Variants in SPTAN1 observed in about 807,000 individuals in gnomAD.
SPTAN1 encodes the protein spectrin alpha, non-erythrocytic 1.
Under a neutral mutation model 331.3 loss-of-function variants are expected in SPTAN1, and 61 were observed. The ratio of observed to expected loss-of-function variants is 0.18; its 90% CI spans 0.15 to 0.23. SPTAN1 has a LOEUF of 0.23. Ranked by LOEUF, SPTAN1 falls within the 10% of genes least tolerant of loss-of-function variation. SPTAN1 has a pLI of 1.00. For synonymous variants in SPTAN1, 1,153 were observed against 1,173.9 expected (o/e 0.98, Z 0.36); for missense variants, 2,043 against 3,147.9 (o/e 0.65, Z 8.40).
In SPTAN1 at chr9:128,583,218, G is replaced by A. The variant is rs750359826; in HGVS notation, c.1948G>A (p.Ala650Thr). 1 of 1,614,070 alleles carries A rather than the reference G, an allele frequency of 6.2e-7. No individual in the cohort carries two copies. The highest frequency in any genetic ancestry group is 1.7e-5 in the Admixed American group (1 of 60,018). The change falls in exon 15 of 57, where the codon GCA becomes ACA. Residue 650 changes from alanine to threonine, a missense_variant. Physicochemically the swap from Ala to Thr is moderately conservative, Grantham distance 58. This residue lies in a region of SPTAN1 where 1,038 missense variants were observed against 1,531.5 expected (regional missense o/e 0.68). Transcript: ENST00000372739. Reference protein sequence around the residue: ...DVNHYAKDEVAARMNEVISLW... With the variant: ...DVNHYAKDEVTARMNEVISLW... The stretch of plus-strand genomic sequence containing the variant: ...CAACCACTATGCCAAGGATGAAGTG[G>A]CAGCTCGTATGAATGAGGTGATCAG...
Position 128,618,995 on chromosome 9 carries a change from G to A in SPTAN1, c.5725G>A (p.Ala1909Thr), listed in dbSNP as rs773492406. ...CGAAGATTATGGCGACACTCTTGCC[G>A]CCATCCAGGTGAGACAGAAACCAAA... ...ASEDYGDTLA[A>T]IQGLLKKHEA... is the part of the protein sequence containing the mutation. The change falls in exon 44 of 57, where the codon GCC (alanine) becomes ACC (threonine). Residue 1909 changes from alanine to threonine, a missense_variant. This residue lies in a region of SPTAN1 where 323 missense variants were observed against 581.1 expected (regional missense o/e 0.56). Transcript: ENST00000372739. 25 of 1,613,646 alleles carry A rather than the reference G, an allele frequency of 1.5e-5. No homozygotes were observed. The South Asian group carries it at 1.6e-4, about 11-fold the overall frequency.
In SPTAN1 at chr9:128,611,569, C is replaced by T. The variant is rs1181499098; in HGVS notation, c.4774-145C>T. The T allele has an allele frequency of 2.1e-5, 19 of 897,044 alleles. No homozygotes were observed. In the East Asian group the frequency reaches 4.8e-4, roughly 23 times the overall value. The allele number at this position is 897,044 out of a possible 1,614,324, so 55.6% of individuals were successfully genotyped here. A position where few individuals can be genotyped will look rare whatever the true frequency, so the allele number is the denominator to read the frequency against. On this transcript the variant is annotated intron_variant, in intron 37 of 56. Coordinates refer to ENST00000372739, the MANE Select transcript of SPTAN1 (RefSeq NM_001130438.3). ...TGAACCCTAAAATATTTCATACAAA[C>T]TCCAATTGCCTTCTGTTAAAAACGT...
intron 9 of SPTAN1, 72 bp downstream of exon 9, chr9:128,578,317 T>C (rs1320340921): frequency 6.3e-6 from 10 of 1,589,092 alleles, no homozygotes; most frequent in Admixed American, 5.0e-5. Flanking sequence ...CAGTGTTGGG[T>C]GAGGCCTATA....
chr9:128,630,618 C>G, intron 52 of SPTAN1: 1 of 348,134 alleles, frequency 2.9e-6, no homozygotes, highest in Non-Finnish European at 4.9e-6. Flanking sequence ...CAACCTCCAC[C>G]TCCCAGGTCA....
chr9:128,598,994 T>G lies in SPTAN1; in HGVS notation c.3543+8T>G. On this transcript the variant is annotated splice_region_variant and intron_variant, in intron 26 of 56. Coordinates refer to ENST00000372739, the MANE Select transcript of SPTAN1 (RefSeq NM_001130438.3). ...TATGGCATGATGCCCAGGGTAAGTT[T>G]CGGGTGCTGTGTGTGGATCTTGAAC... 1.2e-6 allele frequency: 2 copies of G among 1,613,848 alleles called. No homozygotes were observed. Among genetic ancestry groups the G allele is most frequent in the Non-Finnish European group, 1.7e-6 (2 of 1,179,716 alleles).
At position 128,605,427 on chromosome 9, in the gene SPTAN1, G is replaced by A; in HGVS notation, c.3996G>A (p.Lys1332=). The change falls in exon 31 of 57, where the codon AAG becomes AAA. Residue 1332 remains lysine, a synonymous_variant. Transcript: ENST00000372739. Reference sequence around the variant, plus strand: ...TGGGGAAACGTGCAGATCAGCGCAAGGCAAAGTTGGGTGACTCCCACGACC... The same window carrying A: ...TGGGGAAACGTGCAGATCAGCGCAAAGCAAAGTTGGGTGACTCCCACGACC... ...SSLGKRADQR[K]AKLGDSHDLQ... is the part of the protein sequence containing the mutation. The A allele has an allele frequency of 6.2e-7, 1 of 1,614,206 alleles. No individual in the cohort carries two copies. The highest frequency in any genetic ancestry group is 8.5e-7 in the Non-Finnish European group (1 of 1,180,040).
chr9:128,623,492 G>A (rs1238996383), intron 45 of SPTAN1, among the ~76,000 whole-genome samples: 2 of 151,590 alleles, frequency 1.3e-5, no homozygotes, highest in East Asian at 3.9e-4. Flanking sequence ...GTCTTGCTGT[G>A]TTGCCCAGGC....
At chr9:128,615,459 A>G (rs563191579) in intron 40 of SPTAN1, among the ~76,000 whole-genome samples, 173 bp from the exon 41 acceptor site, 69 of 152,236 alleles carry the variant, frequency 4.5e-4, no homozygotes, top group Non-Finnish European at 6.9e-4. Flanking sequence ...AAAAATAATA[A>G]TGTCTTATAA....
rs2132578103 is a variant in SPTAN1, at chr9:128,552,741, G to A, written c.-4+45G>A. ...AGCTCCGGGAGGGAGCGGGGCCCCG[G>A]GCAGCCGACCCCCGGGTGGGAGCTG... is the stretch of plus-strand genomic sequence containing the variant. On this transcript the variant is annotated intron_variant, in intron 1 of 56. Coordinates refer to ENST00000372739, the MANE Select transcript of SPTAN1 (RefSeq NM_001130438.3). This position sits in a 1 kb window ranked among gnomAD's most constrained non-coding sequence, Gnocchi z 4.6. 1 of 151,772 alleles carries A rather than the reference G, an allele frequency of 6.6e-6. No individual in the cohort carries two copies. Among genetic ancestry groups the A allele is most frequent in the Middle Eastern group, 3.4e-3 (1 of 290 alleles). The allele number at this position is 151,772 out of a possible 1,614,324, so 9.4% of individuals were successfully genotyped here. A position where few individuals can be genotyped will look rare whatever the true frequency, so the allele number is the denominator to read the frequency against.
In SPTAN1 at chr9:128,626,880, C is replaced by A. The variant is rs116561220; in HGVS notation, c.6576+193C>A. 5,439 of 686,372 alleles carry A rather than the reference C, an allele frequency of 7.9e-3. 147 individuals are homozygous for A. Among genetic ancestry groups the A allele is most frequent in the East Asian group, 0.061 (2,193 of 36,054 alleles). The allele number at this position is 686,372 out of a possible 1,614,324, so 42.5% of individuals were successfully genotyped here. A position where few individuals can be genotyped will look rare whatever the true frequency, so the allele number is the denominator to read the frequency against. ...CCCAGGCTTCAGTGCAGTGGTGCTACCATGGCTCCCTGTAGCCTCAACCTC... is the reference window on the plus strand; with the variant it reads ...CCCAGGCTTCAGTGCAGTGGTGCTAACATGGCTCCCTGTAGCCTCAACCTC... On this transcript the variant is annotated intron_variant, in intron 49 of 56. Coordinates refer to ENST00000372739, the MANE Select transcript of SPTAN1 (RefSeq NM_001130438.3).
intron 27 of SPTAN1, among the ~76,000 whole-genome samples, chr9:128,600,390 G>A (rs1237562160): frequency 6.6e-6 from 1 of 152,178 alleles, no homozygotes; most frequent in Non-Finnish European, 1.5e-5. Context: ...TGTTGGCAGG[G>A]TCCCACCAGT....
chr9:128,604,070 C>T (rs923048486), intron 28 of SPTAN1, among the ~76,000 whole-genome samples: 1 of 152,208 alleles, frequency 6.6e-6, no homozygotes, highest in South Asian at 2.1e-4. Context: ...AAGGAAAAGT[C>T]AGCTGTGTCT....
intron 44 of SPTAN1, among the ~76,000 whole-genome samples, chr9:128,620,703 G>A (rs1008025961): frequency 3.3e-5 from 5 of 151,014 alleles, no homozygotes; most frequent in Non-Finnish European, 7.4e-5. Flanking sequence ...GGGCAATAGA[G>A]CAAGAACTCC....
At chr9:128,593,642 A>G (rs1241674925) in intron 23 of SPTAN1, 11 of 194,368 alleles carry the variant, frequency 5.7e-5, no homozygotes, top group Non-Finnish European at 1.1e-4. Flanking sequence ...GAACTTGCCA[A>G]AACTTTCTGA....
In SPTAN1 at chr9:128,627,752, G is replaced by C; in HGVS notation, c.6690-173G>C. The C allele has an allele frequency of 1.1e-6, 1 of 884,546 alleles. No homozygotes were observed. The highest frequency in any genetic ancestry group is 1.4e-5 in the South Asian group (1 of 73,566). The allele number at this position is 884,546 out of a possible 1,614,324, so 54.8% of individuals were successfully genotyped here. On this transcript the variant is annotated intron_variant, in intron 50 of 56. Transcript: ENST00000372739. The surrounding 1 kb of genome is among the most constrained non-coding windows in gnomAD (Gnocchi z 4.9). ...GATTGAGTGGGACCATGCAGGGCGC[G>C]TGGTCAGCCCCAGCCATGACTTGGT...
intron 27 of SPTAN1, among the ~76,000 whole-genome samples, chr9:128,603,113 A>G (rs144248088): frequency 7.2e-5 from 11 of 152,242 alleles, no homozygotes; most frequent in Admixed American, 3.9e-4. Flanking sequence ...AGTAACTATA[A>G]TTGGAGATGA....
At chr9:128,555,548 A>C in intron 1 of SPTAN1, 1 of 479,528 alleles carries the variant, frequency 2.1e-6, no homozygotes, top group Non-Finnish European at 3.1e-6. Flanking sequence ...CAAATTGGTT[A>C]GGATTTGTTT....
chr9:128,605,662 G>A (rs1365812239), intron 31 of SPTAN1, among the ~76,000 whole-genome samples, 185 bp downstream of exon 31: 1 of 152,134 alleles, frequency 6.6e-6, no homozygotes, highest in East Asian at 1.9e-4. Flanking sequence ...TGGGCTACAT[G>A]GCGAAACCCT....
chr9:128,588,963 T>TG lies in SPTAN1; in HGVS notation c.3006+21dup. ...AACAAGGCAAGGCACAGAGAGTGGC[T>TG]GTGTGTTTGTTCCACGCTGGCACCT... On this transcript the variant is annotated intron_variant, in intron 21 of 56. Transcript: ENST00000372739. The TG allele has an allele frequency of 6.2e-7, 1 of 1,613,494 alleles. No homozygotes were observed. The highest frequency in any genetic ancestry group is 8.5e-7 in the Non-Finnish European group (1 of 1,179,884).
Sources: allele counts gnomAD v4.1 joint callset (sites outside exome capture counted in the v4.1 genomes callset), GRCh38; gene constraint gnomAD v4.1.1; regional missense constraint gnomAD v4.1.1; non-coding constraint Gnocchi (gnomAD v3.1); transcripts MANE v1.5; gene names NCBI Gene and HGNC (gene_info 2026-07-23, HGNC 2026-07-21).